CPM: variants seen among roughly 807,000 people sequenced by gnomAD.
CPM encodes carboxypeptidase M, also known as renal carboxypeptidase.
CPM carries 35 observed loss-of-function variants against 46.4 expected under a neutral mutation model. That is an observed-to-expected ratio of 0.75 (90% CI 0.58 to 1.00). The LOEUF (loss-of-function observed/expected upper bound fraction) is 1.00. Ranked by LOEUF, CPM falls within the 50% of genes least tolerant of loss-of-function variation. The pLI, the probability that CPM is intolerant of heterozygous loss-of-function variation, is 0.00. For synonymous variants in CPM, 195 were observed against 195.3 expected (o/e 1.00, Z 0.01); for missense variants, 422 against 530.4 (o/e 0.80, Z 2.01).
intron 2 of CPM, among the ~76,000 whole-genome samples, chr12:68,904,050 C>A (rs987145849): frequency 6.6e-6 from 1 of 152,058 alleles, no homozygotes; most frequent in African/African-American, 2.4e-5. Context: ...CTATACCTGG[C>A]TAATGTTTTG....
At chr12:68,883,869 C>T (rs1192343226) in intron 3 of CPM, among the ~76,000 whole-genome samples, 7 of 149,794 alleles carry the variant, frequency 4.7e-5, no homozygotes, top group Non-Finnish European at 7.4e-5. Context: ...CTGAGGCGGG[C>T]GGATCACCTG....
chr12:68,923,360 T>C (rs1042646241), intron 2 of CPM, among the ~76,000 whole-genome samples: 4 of 152,174 alleles, frequency 2.6e-5, no homozygotes, highest in African/African-American at 9.7e-5. Flanking sequence ...ATCTCAAATG[T>C]AGATACTGCT....
intron 2 of CPM, 114 bp downstream of exon 2, chr12:68,932,564 C>A: frequency 7.9e-7 from 1 of 1,260,530 alleles, no homozygotes; most frequent in Non-Finnish European, 1.1e-6. Flanking sequence ...TTGACTTGTT[C>A]TGTGCCACTC....
At chr12:68,915,285 G>C (rs1314067695) in intron 2 of CPM, among the ~76,000 whole-genome samples, 9 of 152,058 alleles carry the variant, frequency 5.9e-5, no homozygotes, top group Admixed American at 5.2e-4. Flanking sequence ...CACAAATTAA[G>C]GGAACTTAGA....
intron 7 of CPM, among the ~76,000 whole-genome samples, chr12:68,864,013 T>C (rs1478964646): frequency 6.6e-6 from 1 of 152,236 alleles, no homozygotes; most frequent in African/African-American, 2.4e-5. Context: ...TTTTGAAATA[T>C]GGTTTCATTA....
chr12:68,875,176 C>A (rs2136237392), intron 3 of CPM, among the ~76,000 whole-genome samples: 1 of 151,926 alleles, frequency 6.6e-6, no homozygotes, highest in African/African-American at 2.4e-5. Context: ...CATGGTAAAA[C>A]CTCGTCTCTA....
intron 1 of CPM, among the ~76,000 whole-genome samples, chr12:68,939,172 GTA>G (rs1314558555): frequency 2.8e-5 from 4 of 144,344 alleles, no homozygotes; most frequent in African/African-American, 7.6e-5. Context: ...CATAATATAT[GTA>G]TATGTTATGT....
At chr12:68,950,241 C>G (rs763612891) in intron 1 of CPM, among the ~76,000 whole-genome samples, 3 of 152,160 alleles carry the variant, frequency 2.0e-5, no homozygotes, top group Non-Finnish European at 4.4e-5. Flanking sequence ...ATTGATGCTT[C>G]AAGAAGATAT....
chr12:68,928,020 C>A (rs1323424865), intron 2 of CPM, among the ~76,000 whole-genome samples: 3 of 152,176 alleles, frequency 2.0e-5, no homozygotes, highest in African/African-American at 7.2e-5. Flanking sequence ...GAAAAAACTA[C>A]TTTAAAGTTC....
At chr12:68,872,166 G>C (rs1885729965) in intron 3 of CPM, among the ~76,000 whole-genome samples, 1 of 151,836 alleles carries the variant, frequency 6.6e-6, no homozygotes, top group Admixed American at 6.6e-5. Flanking sequence ...AAAAATGCTA[G>C]TAAGAGTGAA....
At chr12:68,858,813 C>T (rs1387651194) in intron 8 of CPM, 110 bp downstream of exon 8, 3 of 563,738 alleles carry the variant, frequency 5.3e-6, no homozygotes, top group East Asian at 7.1e-5. Context: ...CTTTCTGTCT[C>T]GATGGATCTA....
intron 1 of CPM, among the ~76,000 whole-genome samples, chr12:68,946,431 G>T (rs1181760435): frequency 2.0e-5 from 3 of 152,038 alleles, no homozygotes; most frequent in Non-Finnish European, 4.4e-5. Flanking sequence ...AGCATCTTGA[G>T]CCCAGCCAAA....
chr12:68,891,373 G>C (rs1008249989), intron 2 of CPM, among the ~76,000 whole-genome samples: 2 of 152,198 alleles, frequency 1.3e-5, no homozygotes, highest in African/African-American at 4.8e-5. Flanking sequence ...CTGGCTAAGT[G>C]GTTTATTACA....
chr12:68,880,635 A>T (rs1886149236), intron 3 of CPM, among the ~76,000 whole-genome samples: 1 of 152,236 alleles, frequency 6.6e-6, no homozygotes, highest in Non-Finnish European at 1.5e-5. Flanking sequence ...GTGGATCCAC[A>T]GCTGGGCAAA....
rs969619766 is a variant in CPM at position 68,931,900 on chromosome 12, G to C, written c.160+778C>G. ...CTTGAACAAATTATTTAATTTATCTGATTCAAACTTGCTGTCTATAAAAAT... is the reference window on the plus strand; with the variant it reads ...CTTGAACAAATTATTTAATTTATCTCATTCAAACTTGCTGTCTATAAAAAT... On this transcript the variant is annotated intron_variant, in intron 2 of 8. Coordinates refer to ENST00000551568, the MANE Select transcript of CPM (RefSeq NM_198320.5). Among the ~76,000 whole-genome samples the C allele has an allele frequency of 2.6e-5, 4 of 152,154 alleles. 1 individual carries two copies. The highest frequency in any genetic ancestry group is 2.6e-4 in the Admixed American group (4 of 15,272).
At chr12:68,908,120 C>T (rs374588128) in intron 2 of CPM, among the ~76,000 whole-genome samples, 15 of 152,186 alleles carry the variant, frequency 9.9e-5, no homozygotes, top group African/African-American at 2.9e-4. Context: ...GCCACCACAC[C>T]GGCTTGGGTT....
intron 2 of CPM, among the ~76,000 whole-genome samples, chr12:68,903,414 T>C (rs1204372082): frequency 2.0e-5 from 3 of 152,166 alleles, no homozygotes; most frequent in Non-Finnish European, 4.4e-5. Context: ...GGCCCAAGAT[T>C]ACATGGGCAC....
intron 2 of CPM, among the ~76,000 whole-genome samples, chr12:68,921,937 T>C (rs1888057169): frequency 6.6e-6 from 1 of 152,228 alleles, no homozygotes; most frequent in African/African-American, 2.4e-5. Context: ...TGCATTCATA[T>C]GTTTCATTTA....
At chr12:68,862,678 C>T (rs1262026422) in intron 7 of CPM, among the ~76,000 whole-genome samples, 2 of 93,684 alleles carry the variant, frequency 2.1e-5, no homozygotes, top group East Asian at 3.9e-4. Flanking sequence ...CAAATAAAAG[C>T]GTGCTTTAGC....
Sources: gnomAD v4.1 joint callset for allele counts (sites outside exome capture counted in the v4.1 genomes callset) on GRCh38, gnomAD v4.1.1 for gene constraint, MANE v1.5 for transcripts, NCBI Gene and HGNC (gene_info 2026-07-23, HGNC 2026-07-21) for gene names.